TENM4: variants seen among roughly 807,000 people sequenced by gnomAD.
TENM4 encodes the protein teneurin transmembrane protein 4, also known as teneurin-4.
In TENM4, 82 loss-of-function variants were observed where a neutral mutation model predicts 243.3. The ratio of observed to expected loss-of-function variants is 0.34; its 90% CI spans 0.28 to 0.40. TENM4 has a LOEUF of 0.40. Ranked by LOEUF, TENM4 falls within the 10% of genes least tolerant of loss-of-function variation. The probability of loss-of-function intolerance (pLI) is 1.00; values close to 1 mark genes in which losing one functional copy is unlikely to be tolerated. For missense variants in TENM4, 3,138 were observed against 3,673.3 expected, an observed-to-expected ratio of 0.85 and a Z score of 3.77; for synonymous variants, 1,412 against 1,456.3, an observed-to-expected ratio of 0.97 and a Z score of 0.69.
Position 78,657,295 on chromosome 11 carries a change from G to A in TENM4, c.*763C>T. 1 of 398,178 alleles carries A rather than the reference G, an allele frequency of 2.5e-6. No homozygotes were observed. The highest frequency in any genetic ancestry group is 4.4e-5 in the Admixed American group (1 of 22,750). The allele number at this position is 398,178 out of a possible 1,614,324, so 24.7% of individuals were successfully genotyped here. A position where few individuals can be genotyped will look rare whatever the true frequency, so the allele number is the denominator to read the frequency against. On this transcript the variant is annotated 3_prime_UTR_variant, in exon 34 of 34. Transcript: ENST00000278550. Reference sequence around the variant, plus strand: ...CAGGATGTTATGTCACTGGTCTGGGGGAAAGGACCTGGGAGACACTTTCTC... The same window carrying A: ...CAGGATGTTATGTCACTGGTCTGGGAGAAAGGACCTGGGAGACACTTTCTC...
At chr11:79,187,809 T>G (rs1245891931) in intron 3 of TENM4, among the ~76,000 whole-genome samples, 2 of 152,144 alleles carry the variant, frequency 1.3e-5, no homozygotes, top group Admixed American at 6.5e-5. Context: ...GAGGACATGG[T>G]GGGAAGACAG....
intron 6 of TENM4, among the ~76,000 whole-genome samples, chr11:78,977,188 C>T (rs1293229371): frequency 3.3e-5 from 5 of 152,198 alleles, no homozygotes; most frequent in Admixed American, 2.0e-4. Context: ...CACATGTGTG[C>T]TCCCTGCGTG....
intron 1 of TENM4, among the ~76,000 whole-genome samples, chr11:79,326,607 A>T (rs933134824): frequency 1.3e-5 from 2 of 152,196 alleles, no homozygotes; most frequent in African/African-American, 4.8e-5. Context: ...CACCAGATTC[A>T]GGTTGGATTC....
chr11:78,983,852 T>C (rs2136636417), intron 6 of TENM4, among the ~76,000 whole-genome samples: 1 of 152,376 alleles, frequency 6.6e-6, no homozygotes, highest in African/African-American at 2.4e-5. Flanking sequence ...CCCTGGCTTT[T>C]GGCCTCTGGG....
At chr11:78,744,439 T>C (rs1289054742) in intron 19 of TENM4, among the ~76,000 whole-genome samples, 1 of 152,230 alleles carries the variant, frequency 6.6e-6, no homozygotes, top group Non-Finnish European at 1.5e-5. Context: ...GGTGAGAAAA[T>C]AAAGTTCAGA....
chr11:78,914,880 T>G (rs1423864067), intron 6 of TENM4, among the ~76,000 whole-genome samples: 1 of 152,222 alleles, frequency 6.6e-6, no homozygotes, highest in Non-Finnish European at 1.5e-5. Flanking sequence ...GCCAGGGGCA[T>G]AGTGAACATT....
chr11:79,236,502 G>A (rs866726524), intron 2 of TENM4, among the ~76,000 whole-genome samples: 1 of 152,046 alleles, frequency 6.6e-6, no homozygotes, highest in Non-Finnish European at 1.5e-5. Context: ...TCTTTCTCGC[G>A]CTGTGATCTT....
intron 1 of TENM4, among the ~76,000 whole-genome samples, chr11:79,322,729 C>A (rs1258842756): frequency 6.6e-6 from 1 of 152,176 alleles, no homozygotes; most frequent in Non-Finnish European, 1.5e-5. Context: ...TTGGTTTCTA[C>A]TGTATATTCC....
At chr11:78,913,693 A>C (rs1215772855) in intron 6 of TENM4, among the ~76,000 whole-genome samples, 1 of 151,858 alleles carries the variant, frequency 6.6e-6, no homozygotes, top group African/African-American at 2.4e-5. Flanking sequence ...TAAGCAGCTC[A>C]TGGAAATGTA....
chr11:78,689,317 T>G (rs1184381509), intron 28 of TENM4, among the ~76,000 whole-genome samples: 1 of 152,172 alleles, frequency 6.6e-6, no homozygotes, highest in Non-Finnish European at 1.5e-5. Flanking sequence ...TTAATTATTG[T>G]TTTTAATTAG....
chr11:78,780,781 G>A (rs1391770504), intron 16 of TENM4, among the ~76,000 whole-genome samples: 1 of 152,178 alleles, frequency 6.6e-6, no homozygotes, highest in Non-Finnish European at 1.5e-5. Context: ...ATATGTTTTT[G>A]ATACCTTTAA....
At chr11:78,948,468 G>A (rs111954696) in intron 6 of TENM4, among the ~76,000 whole-genome samples, 4 of 150,046 alleles carry the variant, frequency 2.7e-5, no homozygotes, top group African/African-American at 4.9e-5. Context: ...TCCGTCTCCC[G>A]GGTTCATGCC....
rs78402871 is a variant in TENM4, at chr11:78,799,726, A to C, written c.2179+5566T>G. On this transcript the variant is annotated intron_variant, in intron 15 of 33. Transcript: ENST00000278550. ...GCCACTGAATCTCTAAAACATCTCC[A>C]CCTGTTATTCCACAAAACTCAATTG... Among the ~76,000 whole-genome samples, 285 of 152,288 alleles carry C rather than the reference A, an allele frequency of 1.9e-3. 8 individuals are homozygous for C. In the East Asian group the frequency reaches 0.05, roughly 27 times the overall value.
At chr11:78,726,315 G>T in intron 22 of TENM4, 93 bp from the exon 23 acceptor site, 3 of 1,414,024 alleles carry the variant, frequency 2.1e-6, no homozygotes, top group Non-Finnish European at 9.4e-7. Context: ...CTTATCTTTT[G>T]TAGAAGAGGA....
intron 6 of TENM4, among the ~76,000 whole-genome samples, chr11:79,060,361 G>C (rs1230060851): frequency 6.6e-6 from 1 of 152,160 alleles, no homozygotes; most frequent in Non-Finnish European, 1.5e-5. Flanking sequence ...TAACCTTCAG[G>C]GGCAGAAATT....
At chr11:79,202,235 G>A (rs1863752864) in intron 3 of TENM4, among the ~76,000 whole-genome samples, 1 of 152,182 alleles carries the variant, frequency 6.6e-6, no homozygotes, top group Admixed American at 6.5e-5. Context: ...TCCCTGCTGT[G>A]AGGGACTTTT....
intron 10 of TENM4, among the ~76,000 whole-genome samples, chr11:78,862,558 A>G (rs944766465): frequency 6.6e-6 from 1 of 152,088 alleles, no homozygotes; most frequent in African/African-American, 2.4e-5. Flanking sequence ...GAGTCCAAGA[A>G]TCTTTCCATT....
chr11:78,854,964 A>C (rs1366392702), intron 11 of TENM4, among the ~76,000 whole-genome samples: 4 of 152,196 alleles, frequency 2.6e-5, no homozygotes, highest in Admixed American at 6.5e-5. Context: ...TGCTTGTGTG[A>C]GACTCCAGAA....
chr11:78,692,340 T>C (rs560658090), intron 28 of TENM4, among the ~76,000 whole-genome samples: 3 of 152,258 alleles, frequency 2.0e-5, no homozygotes, highest in African/African-American at 7.2e-5. Flanking sequence ...TGGCTCTGTG[T>C]TCCTCCTAAC....
Sources: gnomAD v4.1 joint callset for allele counts (sites outside exome capture counted in the v4.1 genomes callset) on GRCh38, gnomAD v4.1.1 for gene constraint, MANE v1.5 for transcripts, NCBI Gene and HGNC (gene_info 2026-07-23, HGNC 2026-07-21) for gene names.